FGF12: variants seen among roughly 807,000 people sequenced by gnomAD.
FGF12 encodes the protein fibroblast growth factor 12B.
In FGF12, 14 loss-of-function variants were observed where a neutral mutation model predicts 23.6. The observed-to-expected ratio is 0.59, with a 90% CI of 0.39 to 0.93. The LOEUF (loss-of-function observed/expected upper bound fraction) is 0.93. FGF12 is among the 40% of genes least tolerant of loss of function. The pLI, the probability that FGF12 is intolerant of heterozygous loss-of-function variation, is 0.00. For synonymous variants in FGF12, 62 were observed against 77.3 expected, an observed-to-expected ratio of 0.80 and a Z score of 1.04; for missense variants, 175 against 217.8, an observed-to-expected ratio of 0.80 and a Z score of 1.24.
intron 2 of FGF12, among the ~76,000 whole-genome samples, chr3:192,475,823 G>C (rs559091551): frequency 3.3e-5 from 5 of 152,296 alleles, no homozygotes; most frequent in African/African-American, 1.2e-4. Context: ...CTAATAGTCA[G>C]AAAATTTCCT....
chr3:192,551,524 T>C (rs1016310586), intron 2 of FGF12, among the ~76,000 whole-genome samples: 1 of 152,234 alleles, frequency 6.6e-6, no homozygotes, highest in Non-Finnish European at 1.5e-5. Context: ...TGCTCATAGA[T>C]GTTAAAGTCC....
At chr3:192,291,950 TG>T (rs1714779623) in intron 4 of FGF12, among the ~76,000 whole-genome samples, 1 of 152,204 alleles carries the variant, frequency 6.6e-6, no homozygotes, top group African/African-American at 2.4e-5. Context: ...AAATTGGCAT[TG>T]GGATCATGCA....
chr3:192,230,327 A>G (rs1260003487), intron 4 of FGF12, among the ~76,000 whole-genome samples: 1 of 152,178 alleles, frequency 6.6e-6, no homozygotes, highest in Non-Finnish European at 1.5e-5. Flanking sequence ...TCATATTCTA[A>G]TTAAGCATTC....
chr3:192,240,205 C>A (rs1719535081), intron 4 of FGF12, among the ~76,000 whole-genome samples: 1 of 152,126 alleles, frequency 6.6e-6, no homozygotes, highest in Admixed American at 6.5e-5. Flanking sequence ...TTATTCAACA[C>A]CACACGATGA....
At chr3:192,452,322 T>A (rs1486423862) in intron 2 of FGF12, among the ~76,000 whole-genome samples, 1 of 152,232 alleles carries the variant, frequency 6.6e-6, no homozygotes, top group Non-Finnish European at 1.5e-5. Context: ...GAGTTTTTAA[T>A]GATAAACCAA....
At chr3:192,382,766 TA>T (rs1719873939) in intron 2 of FGF12, among the ~76,000 whole-genome samples, 1 of 152,214 alleles carries the variant, frequency 6.6e-6, no homozygotes, top group African/African-American at 2.4e-5. Flanking sequence ...ATATAATTAT[TA>T]AATTTGAATG....
At chr3:192,512,837 T>TAAATAAATAA (rs1553823899) in intron 2 of FGF12, among the ~76,000 whole-genome samples, 24 of 76,036 alleles carry the variant, frequency 3.2e-4, no homozygotes, top group African/African-American at 8.7e-4. Context: ...CTCAAATAAA[T>TAAATAAATAA]ATATATATAT....
At chr3:192,251,422 A>C (rs1293539468) in intron 4 of FGF12, among the ~76,000 whole-genome samples, 1 of 152,196 alleles carries the variant, frequency 6.6e-6, no homozygotes, top group African/African-American at 2.4e-5. Context: ...CTTTCAAGAA[A>C]TGTTTGACAC....
rs112459030 is a variant in FGF12 at position 192,600,975 on chromosome 3, A to G, written c.13+126206T>C. 6.6e-4 allele frequency among the ~76,000 whole-genome samples: 100 copies of G among 152,254 alleles called. 1 individual carries two copies. Among genetic ancestry groups the G allele is most frequent in the African/African-American group, 2.3e-3 (94 of 41,578 alleles). On this transcript the variant is annotated intron_variant, in intron 2 of 5. Coordinates refer to ENST00000445105, the MANE Select transcript of FGF12 (RefSeq NM_004113.6). ...TCTATCCCAAGGAAGGGAAATTAGC[A>G]ATATCAAAGAGACATCTGCACCCCA... is the stretch of plus-strand genomic sequence containing the variant.
At chr3:192,615,556 C>T (rs1714725062) in intron 2 of FGF12, among the ~76,000 whole-genome samples, 1 of 152,030 alleles carries the variant, frequency 6.6e-6, no homozygotes, top group African/African-American at 2.4e-5. Flanking sequence ...ACTAAACCAC[C>T]TACACATTTA....
chr3:192,264,340 T>C (rs966680484), intron 4 of FGF12, among the ~76,000 whole-genome samples: 3 of 152,108 alleles, frequency 2.0e-5, no homozygotes, highest in South Asian at 4.1e-4. Context: ...ATTGCCTGGG[T>C]ATATCATATT....
chr3:192,242,476 G>A (rs1719672318), intron 4 of FGF12, among the ~76,000 whole-genome samples: 1 of 152,026 alleles, frequency 6.6e-6, no homozygotes, highest in South Asian at 2.1e-4. Flanking sequence ...AACCACTGAA[G>A]TAGCCCAGTC....
At chr3:192,260,159 A>G (rs1712657018) in intron 4 of FGF12, among the ~76,000 whole-genome samples, 1 of 152,192 alleles carries the variant, frequency 6.6e-6, no homozygotes, top group African/African-American at 2.4e-5. Flanking sequence ...TGCCTAGCAA[A>G]CTAGTTTTCC....
At chr3:192,605,600 C>T (rs186504104) in intron 2 of FGF12, among the ~76,000 whole-genome samples, 71 of 152,122 alleles carry the variant, frequency 4.7e-4, no homozygotes, top group African/African-American at 1.7e-3. Flanking sequence ...ATGCATCCAC[C>T]AAAGGTCTAA....
intron 2 of FGF12, among the ~76,000 whole-genome samples, chr3:192,691,652 T>C (rs1717946851): frequency 6.6e-6 from 1 of 150,822 alleles, no homozygotes; most frequent in African/African-American, 2.4e-5. Context: ...AGAAACTAAG[T>C]CCAAAGTTAG....
intron 2 of FGF12, among the ~76,000 whole-genome samples, chr3:192,440,063 C>T (rs946008545): frequency 1.3e-5 from 2 of 150,926 alleles, no homozygotes; most frequent in African/African-American, 4.9e-5. Context: ...GGTCCAGGGG[C>T]TGAGTGGAGG....
chr3:192,166,677 A>C (rs1192811697), intron 5 of FGF12, among the ~76,000 whole-genome samples: 1 of 152,248 alleles, frequency 6.6e-6, no homozygotes, highest in African/African-American at 2.4e-5. Context: ...GGAAAGTAAG[A>C]GACAGTAATT....
At chr3:192,608,635 T>C (rs780433105) in intron 2 of FGF12, among the ~76,000 whole-genome samples, 2 of 152,088 alleles carry the variant, frequency 1.3e-5, no homozygotes, top group African/African-American at 2.4e-5. Flanking sequence ...ACCCAACAGA[T>C]AGAAAAAGCT....
At chr3:192,726,991 C>A in intron 2 of FGF12, 190 bp downstream of exon 2, 1 of 683,906 alleles carries the variant, frequency 1.5e-6, no homozygotes, top group South Asian at 1.8e-5. Context: ...ACACTGTCTT[C>A]CAAGCTGTGG....
Sources: allele counts gnomAD v4.1 joint callset (sites outside exome capture counted in the v4.1 genomes callset), GRCh38; gene constraint gnomAD v4.1.1; transcripts MANE v1.5; gene names NCBI Gene and HGNC (gene_info 2026-07-23, HGNC 2026-07-21).